MOK: variants seen among roughly 807,000 people sequenced by gnomAD.
MOK encodes MAPK/MAK/MRK overlapping kinase.
MOK carries 59 observed loss-of-function variants against 54.2 expected under a neutral mutation model. The observed-to-expected ratio is 1.09, with a 90% CI of 0.88 to 1.35. MOK has a LOEUF of 1.35. MOK is among the 40% of genes most tolerant of loss of function. MOK has a pLI of 0.00. For synonymous variants in MOK, 210 were observed against 202.7 expected (o/e 1.04, Z -0.31); for missense variants, 517 against 526.2 (o/e 0.98, Z 0.17).
chr14:102,231,999 G>A lies in MOK; in HGVS notation c.867-178C>T. On this transcript the variant is annotated intron_variant, in intron 9 of 11. Coordinates refer to ENST00000361847, the MANE Select transcript of MOK (RefSeq NM_014226.3). This position sits in a 1 kb window ranked among gnomAD's most constrained non-coding sequence, Gnocchi z 4.4. ...TTTCTGTCTCAGCCTGACAGTCTCT[G>A]GGCCAGGAACAGAGCTGGCTCCATG... is the stretch of plus-strand genomic sequence containing the variant. 4 of 543,182 alleles carry A rather than the reference G, an allele frequency of 7.4e-6. No homozygotes were observed. The highest frequency in any genetic ancestry group is 1.3e-5 in the Non-Finnish European group (4 of 308,176). The allele number at this position is 543,182 out of a possible 1,614,324, so 33.6% of individuals were successfully genotyped here. A position where few individuals can be genotyped will look rare whatever the true frequency, so the allele number is the denominator to read the frequency against.
intron 1 of MOK, among the ~76,000 whole-genome samples, chr14:102,297,459 T>G (rs902722909): frequency 6.6e-6 from 1 of 152,244 alleles, no homozygotes; most frequent in Non-Finnish European, 1.5e-5. Flanking sequence ...GTACCTTTTT[T>G]GATTCCATGA....
chr14:102,224,447 T>C, downstream of MOK: 1 of 391,370 alleles, frequency 2.6e-6, no homozygotes, highest in Non-Finnish European at 5.0e-6. Flanking sequence ...AATGTGCAGC[T>C]ACCAAGCAGA....
chr14:102,259,716 C>T lies in MOK; in HGVS notation c.283+3830G>A, dbSNP rs116465170. 4.6e-3 allele frequency among the ~76,000 whole-genome samples: 701 copies of T among 152,240 alleles called. 6 individuals are homozygous for T. Among genetic ancestry groups the T allele is most frequent in the African/African-American group, 0.016 (650 of 41,532 alleles). ...ACCTTGGACAAGCAACTTATCTCCCCATGCCTCAATGTCCTCATGTTTCAA... is the reference window on the plus strand; with the variant it reads ...ACCTTGGACAAGCAACTTATCTCCCTATGCCTCAATGTCCTCATGTTTCAA... On this transcript the variant is annotated intron_variant, in intron 4 of 11. Coordinates refer to ENST00000361847, the MANE Select transcript of MOK (RefSeq NM_014226.3).
At chr14:102,214,809 TAATG>T in the MOK span, 1 of 980,264 alleles carries the variant, frequency 1.0e-6, no homozygotes, top group Non-Finnish European at 1.2e-6. Flanking sequence ...TTGCAATAAT[TAATG>T]AAACTTTAGT....
downstream of MOK, chr14:102,224,830 C>T (rs761262429): frequency 2.2e-6 from 1 of 455,766 alleles, no homozygotes; most frequent in South Asian, 1.6e-5. Flanking sequence ...CTAAGACTTG[C>T]TGTTCTAAAT....
At position 102,263,564 on chromosome 14, in the gene MOK, T is replaced by C. The variant is rs745751072; in HGVS notation, c.265A>G (p.Ile89Val). The part of the protein sequence containing the change: ...ALICELMDMN[I>V]YELIRGRRYP... ...TACGTACCTCGTATTAGCTCATAAA[T>C]ATTCATGTCCATAAGTTCACATATT... Residue 89 changes from isoleucine (I) to valine (V), a missense_variant, in exon 4 of 12, where the codon ATT becomes GTT. By Grantham distance (29) the Ile-to-Val change is conservative. Coordinates refer to ENST00000361847, the MANE Select transcript of MOK (RefSeq NM_014226.3). The C allele has an allele frequency of 3.7e-6, 6 of 1,606,334 alleles. No individual in the cohort carries two copies. The highest frequency in any genetic ancestry group is 5.1e-6 in the Non-Finnish European group (6 of 1,176,458).
chr14:102,256,059 G>C (rs1597388890), intron 4 of MOK, among the ~76,000 whole-genome samples: 3 of 152,270 alleles, frequency 2.0e-5, no homozygotes, highest in African/African-American at 7.2e-5. Flanking sequence ...CGAGGGTGGA[G>C]AGAACTACGA....
At chr14:102,270,045 T>C (rs892950972) in intron 2 of MOK, among the ~76,000 whole-genome samples, 4 of 152,184 alleles carry the variant, frequency 2.6e-5, no homozygotes, top group African/African-American at 4.8e-5. Flanking sequence ...TAAGTCTCAA[T>C]ACATTTCAAG....
At position 102,236,494 on chromosome 14, in the gene MOK, T is replaced by C. The variant is rs181097274; in HGVS notation, c.591-2705A>G. Among the ~76,000 whole-genome samples, 21 of 152,320 alleles carry C rather than the reference T, an allele frequency of 1.4e-4. No homozygotes were observed. The East Asian group carries it at 3.9e-3, about 28-fold the overall frequency. On this transcript the variant is annotated intron_variant, in intron 7 of 11. Coordinates refer to ENST00000361847, the MANE Select transcript of MOK (RefSeq NM_014226.3). This position sits in a 1 kb window ranked among gnomAD's most constrained non-coding sequence, Gnocchi z 4.5. Reference sequence around the variant, plus strand: ...CTTTCCTTATCATGCCTCGTTGCCCTACCCCCATCCTAGGCCAAATTCAAA... The same window carrying C: ...CTTTCCTTATCATGCCTCGTTGCCCCACCCCCATCCTAGGCCAAATTCAAA...
chr14:102,223,149 A>G, downstream of MOK: 1 of 283,888 alleles, frequency 3.5e-6, no homozygotes, highest in Non-Finnish European at 6.6e-6. Context: ...TCTAAAATTC[A>G]ATGTAATTAA....
chr14:102,291,957 C>CA (rs36041386), intron 1 of MOK, among the ~76,000 whole-genome samples: 20,993 of 133,276 alleles, frequency 0.16, 2,403 homozygotes, highest in African/African-American at 0.34. Context: ...AACTCTGTCT[C>CA]AAAAAAAAAA....
intron 1 of MOK, among the ~76,000 whole-genome samples, chr14:102,303,543 T>C (rs1238943549): frequency 6.6e-6 from 1 of 152,172 alleles, no homozygotes; most frequent in Non-Finnish European, 1.5e-5. Context: ...CTTGATTGGA[T>C]AGAAAAAATA....
At chr14:102,268,510 G>A (rs569688749) in intron 2 of MOK, among the ~76,000 whole-genome samples, 7 of 152,162 alleles carry the variant, frequency 4.6e-5, no homozygotes, top group Non-Finnish European at 7.3e-5. Context: ...AGAACTGAAT[G>A]TAAGAGGAAT....
chr14:102,285,337 C>CT (rs1157332283), intron 1 of MOK, among the ~76,000 whole-genome samples: 1 of 152,162 alleles, frequency 6.6e-6, no homozygotes, highest in African/African-American at 2.4e-5. Flanking sequence ...CTACCTCAGC[C>CT]TCCCAAGTGG....
At chr14:102,253,066 G>T (rs754076460) in intron 4 of MOK, among the ~76,000 whole-genome samples, 1 of 152,198 alleles carries the variant, frequency 6.6e-6, no homozygotes, top group Non-Finnish European at 1.5e-5. Flanking sequence ...TCTAGCACAC[G>T]TGGTTTTTCT....
chr14:102,247,474 A>G (rs779105046), intron 7 of MOK: 1 of 152,164 alleles, frequency 6.6e-6, no homozygotes, highest in Non-Finnish European at 1.5e-5. Context: ...TAATACCCGC[A>G]TCCGACACTG....
rs34751303 is a variant in MOK, at chr14:102,257,975, CAA to C, written c.283+5569_283+5570del. ...CTGCCAACAGAGTGAGACTCTGTCT[CAA>C]AAAAAAAAAAAAAAGAATACCTGTT... On this transcript the variant is annotated intron_variant, in intron 4 of 11. Coordinates refer to ENST00000361847, the MANE Select transcript of MOK (RefSeq NM_014226.3). Among the ~76,000 whole-genome samples, 681 of 102,430 alleles carry C rather than the reference CAA, an allele frequency of 6.6e-3. 6 individuals are homozygous for C. The highest frequency in any genetic ancestry group is 0.019 in the African/African-American group (602 of 31,954). 67.2% of individuals were successfully genotyped at this position (102,430 alleles called of 152,430 possible).
intron 4 of MOK, among the ~76,000 whole-genome samples, chr14:102,258,873 T>C (rs1446890669): frequency 6.6e-6 from 1 of 152,138 alleles, no homozygotes; most frequent in East Asian, 1.9e-4. Context: ...TGAGACAGCC[T>C]GGCCAACATA....
At chr14:102,296,549 TG>T (rs2071437845) in intron 1 of MOK, among the ~76,000 whole-genome samples, 1 of 152,320 alleles carries the variant, frequency 6.6e-6, no homozygotes, top group African/African-American at 2.4e-5. Context: ...TTCTATGGTT[TG>T]GATTTATCAC....
Sources: gnomAD v4.1 joint callset for allele counts (sites outside exome capture counted in the v4.1 genomes callset) on GRCh38, gnomAD v4.1.1 for gene constraint, Gnocchi (gnomAD v3.1) non-coding constraint, MANE v1.5 for transcripts, NCBI Gene and HGNC (gene_info 2026-07-23, HGNC 2026-07-21) for gene names.